The following NOP53 variants were observed in gnomAD, a reference collection of about 807,000 sequenced individuals.
The protein encoded by NOP53 is NOP53 ribosome biogenesis factor, also known as ribosome biogenesis protein NOP53.
In NOP53, 40 loss-of-function variants were observed where a neutral mutation model predicts 61.0. That is an observed-to-expected ratio of 0.66 (90% CI 0.51 to 0.85). NOP53 has a LOEUF of 0.85. NOP53 is among the 40% of genes least tolerant of loss of function. NOP53 has a pLI of 0.00. For missense variants in NOP53, 689 were observed against 652.9 expected (o/e 1.06, Z -0.60); for synonymous variants, 308 against 289.5 (o/e 1.06, Z -0.65).
chr19:47,750,529 G>A (rs527892925), intron 3 of NOP53, among the ~76,000 whole-genome samples: 10 of 152,204 alleles, frequency 6.6e-5, no homozygotes, highest in Non-Finnish European at 1.0e-4. Flanking sequence ...AGTGGGAGGC[G>A]TGTTCAGGAG....
At chr19:47,750,629 G>A (rs1303644147) in intron 3 of NOP53, among the ~76,000 whole-genome samples, 2 of 152,098 alleles carry the variant, frequency 1.3e-5, no homozygotes, top group Admixed American at 6.5e-5. Context: ...GTGGGATTTC[G>A]GGTGATGCTG....
chr19:47,746,920 T>C (rs1360629458), intron 1 of NOP53, 47 bp from the exon 2 acceptor site: 1 of 1,519,296 alleles, frequency 6.6e-7, no homozygotes, highest in Non-Finnish European at 9.1e-7. Flanking sequence ...TTAAATCTCT[T>C]TCCTCTCCAA....
In NOP53 at chr19:47,756,979, C is replaced by T. The variant is rs769530305; in HGVS notation, c.1431-20C>T. The T allele has an allele frequency of 2.0e-5, 33 of 1,614,092 alleles. No homozygotes were observed. Among genetic ancestry groups the T allele is most frequent in the Non-Finnish European group, 2.8e-5 (33 of 1,179,932 alleles). On this transcript the variant is annotated intron_variant, in intron 12 of 12. Coordinates refer to ENST00000246802, the MANE Select transcript of NOP53 (RefSeq NM_015710.5). Reference sequence around the variant, plus strand: ...GGGGCACCCTCTCACCCACCCTCAGCTCCTTTCCTCTGTCCCCAGGTTGTA... The same window carrying T: ...GGGGCACCCTCTCACCCACCCTCAGTTCCTTTCCTCTGTCCCCAGGTTGTA...
intron 5 of NOP53, among the ~76,000 whole-genome samples, chr19:47,752,107 C>CAA (rs111794129): frequency 4.2e-5 from 6 of 142,652 alleles, no homozygotes; most frequent in South Asian, 2.2e-4. Flanking sequence ...AACTCTGTCT[C>CAA]AAAAAAAAAA....
chr19:47,756,732 TC>T lies in NOP53; in HGVS notation c.1420del (p.Arg474ValfsTer22), dbSNP rs1246488279. ...GTGAAGCTGGTGGAGAAGCGGGCGT[TC>T]CGTGAGATCCAGTGAGTCCACCCGG... ...YKVKLVEKRA[F>X]REIQL is the part of the protein sequence containing the mutation. On this transcript the variant is annotated frameshift_variant, in exon 12 of 13. Transcript: ENST00000246802. LOFTEE classifies it high-confidence loss of function. The T allele has an allele frequency of 2.5e-6, 4 of 1,613,486 alleles. No individual in the cohort carries two copies. The highest frequency in any genetic ancestry group is 3.4e-6 in the Non-Finnish European group (4 of 1,179,978).
chr19:47,754,810 C>G lies in NOP53; in HGVS notation c.972C>G (p.Val324=). ...GGCCGGAGGCTGGGGATGCCGAGGTCTGTCCCACGCCCGCCCGCCTGGCCA... is the reference window on the plus strand; with the variant it reads ...GGCCGGAGGCTGGGGATGCCGAGGTGTGTCCCACGCCCGCCCGCCTGGCCA... ...GEGPEAGDAE[V]CPTPARLATT... The change falls in exon 8 of 13, where the codon GTC becomes GTG. Residue 324 remains valine (V), a synonymous_variant. Transcript: ENST00000246802. This position sits in a 1 kb window ranked among gnomAD's most constrained non-coding sequence, Gnocchi z 4.2. 6.5e-7 allele frequency: 1 copy of G among 1,535,032 alleles called. No homozygotes were observed. Among genetic ancestry groups the G allele is most frequent in the Non-Finnish European group, 8.7e-7 (1 of 1,145,524 alleles).
chr19:47,751,937 A>T (rs1190121797), intron 5 of NOP53, among the ~76,000 whole-genome samples: 1 of 98,916 alleles, frequency 1.0e-5, no homozygotes, highest in Non-Finnish European at 2.0e-5. Flanking sequence ...CCCTGTCTCT[A>T]CTAAAAATAC....
chr19:47,754,967 T>G lies in NOP53; in HGVS notation c.1053+76T>G. 1 of 1,339,116 alleles carries G rather than the reference T, an allele frequency of 7.5e-7. No homozygotes were observed. The highest frequency in any genetic ancestry group is 9.9e-7 in the Non-Finnish European group (1 of 1,011,624). The allele number at this position is 1,339,116 out of a possible 1,614,324, so 83.0% of individuals were successfully genotyped here. A position where few individuals can be genotyped will look rare whatever the true frequency, so the allele number is the denominator to read the frequency against. ...TCCTTCCTCCCACCATGGGCTGCCCTGGGTGCTGCGGGCAGCCTGCACACC... is the reference window on the plus strand; with the variant it reads ...TCCTTCCTCCCACCATGGGCTGCCCGGGGTGCTGCGGGCAGCCTGCACACC... On this transcript the variant is annotated intron_variant, in intron 8 of 12. Coordinates refer to ENST00000246802, the MANE Select transcript of NOP53 (RefSeq NM_015710.5). This position sits in a 1 kb window ranked among gnomAD's most constrained non-coding sequence, Gnocchi z 4.2.
At position 47,746,782 on chromosome 19, in the gene NOP53, C is replaced by T. The variant is rs1439389431; in HGVS notation, c.225-185C>T. ...CCTCCCAAAGTGCTGGGATTACAGG[C>T]GTGAGCCACTGCGCCTGGCAGTCCT... On this transcript the variant is annotated intron_variant, in intron 1 of 12. Transcript: ENST00000246802. 46 of 530,312 alleles carry T rather than the reference C, an allele frequency of 8.7e-5. No homozygotes were observed. The Admixed American group carries it at 1.6e-3, about 18-fold the overall frequency. 32.9% of individuals were successfully genotyped at this position (530,312 alleles called of 1,614,324 possible). A position where few individuals can be genotyped will look rare whatever the true frequency, so the allele number is the denominator to read the frequency against.
intron 1 of NOP53, 46 bp downstream of exon 1, chr19:47,745,829 A>T: frequency 1.9e-6 from 2 of 1,064,140 alleles, no homozygotes. Context: ...TCCTGCGCCC[A>T]GGTGCAAGGC....
At chr19:47,749,765 G>A (rs931501806) in intron 2 of NOP53, among the ~76,000 whole-genome samples, 2 of 151,426 alleles carry the variant, frequency 1.3e-5, no homozygotes, top group Non-Finnish European at 2.9e-5. Context: ...TTTTCCCCCT[G>A]AGATGAGATC....
At chr19:47,751,208 T>G in intron 4 of NOP53, 101 bp downstream of exon 4, 1 of 1,151,236 alleles carries the variant, frequency 8.7e-7, no homozygotes, top group East Asian at 2.5e-5. Flanking sequence ...AGGGAGTGCT[T>G]TGTGGGTGCT....
chr19:47,756,198 C>T (rs1267814304), intron 10 of NOP53: 2 of 519,900 alleles, frequency 3.8e-6, no homozygotes, highest in African/African-American at 1.9e-5. Flanking sequence ...CCTGGGCCGA[C>T]CCGGCCGTGG....
Position 47,754,512 on chromosome 19 carries a change from A to C in NOP53, c.766-15A>C. ...AGGAGGGGTTCAGGGACCCATCCTC[A>C]CTCCCGCCCCTCAGACCCTGCTCTC... On this transcript the variant is annotated splice_polypyrimidine_tract_variant and intron_variant, in intron 6 of 12. Transcript: ENST00000246802. This position sits in a 1 kb window ranked among gnomAD's most constrained non-coding sequence, Gnocchi z 4.2. 2 of 1,536,608 alleles carry C rather than the reference A, an allele frequency of 1.3e-6. No individual in the cohort carries two copies. The highest frequency in any genetic ancestry group is 1.8e-6 in the Non-Finnish European group (2 of 1,136,190).
rs1401718160 is a variant in NOP53, at chr19:47,754,541, G to A, written c.780G>A (p.Ala260=). Residue 260 remains alanine, a synonymous_variant, in exon 7 of 13, where the codon GCG becomes GCA. Coordinates refer to ENST00000246802, the MANE Select transcript of NOP53 (RefSeq NM_015710.5). The surrounding 1 kb of genome is among the most constrained non-coding windows in gnomAD (Gnocchi z 4.2). ...SFEDHQTLLS[A]AHEVELQRQK... ...CCGCCCCTCAGACCCTGCTCTCAGC[G>A]GCCCACGAGGTGGAGTTGCAGCGGC... 8.4e-6 allele frequency: 13 copies of A among 1,550,782 alleles called. No individual in the cohort carries two copies. The highest frequency in any genetic ancestry group is 2.4e-5 in the South Asian group (2 of 84,090).
intron 12 of NOP53, 57 bp from the exon 13 acceptor site, chr19:47,756,942 G>A (rs1967209007): frequency 1.9e-6 from 3 of 1,610,878 alleles, no homozygotes; most frequent in East Asian, 2.2e-5. Flanking sequence ...GTGTCAGGTC[G>A]GCAGGGGGTA....
At position 47,754,982 on chromosome 19, in the gene NOP53, G is replaced by T. The variant is rs1318833126; in HGVS notation, c.1053+91G>T. 1 of 1,211,920 alleles carries T rather than the reference G, an allele frequency of 8.3e-7. No individual in the cohort carries two copies. Among genetic ancestry groups the T allele is most frequent in the Non-Finnish European group, 1.1e-6 (1 of 899,106 alleles). 75.1% of individuals were successfully genotyped at this position (1,211,920 alleles called of 1,614,324 possible). On this transcript the variant is annotated intron_variant, in intron 8 of 12. Transcript: ENST00000246802. The surrounding 1 kb of genome is among the most constrained non-coding windows in gnomAD (Gnocchi z 4.2). ...TGGGCTGCCCTGGGTGCTGCGGGCA[G>T]CCTGCACACCCCAAGCCCCGCATGT...
intron 2 of NOP53, among the ~76,000 whole-genome samples, 192 bp from the exon 3 acceptor site, chr19:47,749,986 A>T (rs1967104983): frequency 6.6e-6 from 1 of 152,006 alleles, no homozygotes; most frequent in Non-Finnish European, 1.5e-5. Flanking sequence ...TTGGTTGTGG[A>T]GGGTCAGAGC....
rs562399482 is a variant in NOP53 at position 47,754,804 on chromosome 19, C to T, written c.966C>T (p.Ala322=). The change falls in exon 8 of 13, where the codon GCC becomes GCT. Residue 322 remains alanine (A), a synonymous_variant. Transcript: ENST00000246802. This position sits in a 1 kb window ranked among gnomAD's most constrained non-coding sequence, Gnocchi z 4.2. The part of the protein sequence containing the change: ...GQGEGPEAGD[A]EVCPTPARLA... ...GCGAGGGGCCGGAGGCTGGGGATGC[C>T]GAGGTCTGTCCCACGCCCGCCCGCC... 6.0e-5 allele frequency: 92 copies of T among 1,534,004 alleles called. 1 individual carries two copies. The highest frequency in any genetic ancestry group is 5.5e-4 in the South Asian group (45 of 82,370).
Sources: gnomAD v4.1 joint callset for allele counts (sites outside exome capture counted in the v4.1 genomes callset) on GRCh38, gnomAD v4.1.1 for gene constraint, Gnocchi (gnomAD v3.1) non-coding constraint, MANE v1.5 for transcripts, NCBI Gene and HGNC (gene_info 2026-07-23, HGNC 2026-07-21) for gene names.